Variants in STAG1 observed in about 807,000 individuals in gnomAD.
STAG1 encodes cohesin subunit SA-1.
A neutral mutation model predicts 170.9 loss-of-function variants in STAG1; 26 were observed. The observed-to-expected ratio is 0.15, with a 90% confidence interval of 0.11 to 0.21. The LOEUF (loss-of-function observed/expected upper bound fraction) is 0.21, where lower values mean the gene tolerates loss of function less well. STAG1 is among the 10% of genes least tolerant of loss of function. The probability of loss-of-function intolerance (pLI) is 1.00; values close to 1 mark genes in which losing one functional copy is unlikely to be tolerated. For synonymous variants in STAG1, 514 were observed against 497.7 expected (o/e 1.03, Z -0.44); for missense variants, 964 against 1,509.5 (o/e 0.64, Z 5.99).
chr3:136,435,827 C>T (rs112060574), intron 15 of STAG1, among the ~76,000 whole-genome samples: 176 of 151,636 alleles, frequency 1.2e-3, no homozygotes, highest in African/African-American at 2.5e-3. Flanking sequence ...CTGCCACCGC[C>T]CCTGGCTGAT....
intron 25 of STAG1, among the ~76,000 whole-genome samples, chr3:136,363,907 C>A (rs1431964617): frequency 2.0e-5 from 3 of 152,104 alleles, no homozygotes; most frequent in Non-Finnish European, 4.4e-5. Context: ...GCATGTGCCA[C>A]CACGCCTGGC....
chr3:136,394,621 T>C (rs1365695270), intron 22 of STAG1, among the ~76,000 whole-genome samples: 2 of 151,112 alleles, frequency 1.3e-5, no homozygotes, highest in East Asian at 2.0e-4. Context: ...ACAAAAAATA[T>C]AAAAAAGTAG....
At chr3:136,401,983 A>T (rs1328535886) in intron 21 of STAG1, among the ~76,000 whole-genome samples, 1 of 151,650 alleles carries the variant, frequency 6.6e-6, no homozygotes, top group Non-Finnish European at 1.5e-5. Context: ...ACCTCAGGTG[A>T]TCCACCCGCC....
chr3:136,525,510 T>C (rs9757761), intron 6 of STAG1, among the ~76,000 whole-genome samples: 55,317 of 151,882 alleles, frequency 0.36, 11,146 homozygotes, highest in African/African-American at 0.53. Context: ...GCCTTGCCAG[T>C]GGTCTATCAA....
intron 3 of STAG1, among the ~76,000 whole-genome samples, chr3:136,610,461 G>A (rs901289775): frequency 8.5e-5 from 13 of 152,062 alleles, no homozygotes; most frequent in African/African-American, 2.4e-4. Flanking sequence ...CAATAACTTT[G>A]TTAATGTGCT....
intron 1 of STAG1, among the ~76,000 whole-genome samples, chr3:136,702,085 G>C (rs988333427): frequency 2.4e-5 from 2 of 85,098 alleles, no homozygotes; most frequent in Non-Finnish European, 4.9e-5. Context: ...AAGAGAGAGA[G>C]AGAGAGAGAG....
intron 1 of STAG1, among the ~76,000 whole-genome samples, chr3:136,668,454 T>G (rs1576740886): frequency 2.0e-5 from 3 of 147,320 alleles, no homozygotes; most frequent in Admixed American, 6.8e-5. Context: ...TATATTTATA[T>G]ATCTATAAAA....
At chr3:136,373,416 C>G (rs1204063042) in intron 23 of STAG1, among the ~76,000 whole-genome samples, 1 of 152,050 alleles carries the variant, frequency 6.6e-6, no homozygotes, top group Non-Finnish European at 1.5e-5. Flanking sequence ...GCTCTTGTTT[C>G]TCTAGTTCTT....
intron 4 of STAG1, among the ~76,000 whole-genome samples, chr3:136,590,412 G>T (rs943413621): frequency 2.7e-4 from 40 of 150,820 alleles, no homozygotes; most frequent in African/African-American, 9.8e-4. Context: ...AGAATCGCAT[G>T]AACCCAGGAG....
At chr3:136,340,365 AC>A (rs1228203294) in intron 32 of STAG1, 125 bp downstream of exon 32, 1 of 607,926 alleles carries the variant, frequency 1.6e-6, no homozygotes, top group Admixed American at 2.6e-5. Flanking sequence ...CAGGTGATCC[AC>A]CCACCTCAGC....
chr3:136,612,806 C>A (rs1939370349), intron 3 of STAG1, among the ~76,000 whole-genome samples: 2 of 152,244 alleles, frequency 1.3e-5, no homozygotes, highest in Non-Finnish European at 2.9e-5. Flanking sequence ...TAATGGGCAT[C>A]TGGGTCACCA....
chr3:136,630,772 A>G, intron 2 of STAG1, 98 bp downstream of exon 2: 1 of 867,948 alleles, frequency 1.2e-6, no homozygotes, highest in South Asian at 1.5e-5. Flanking sequence ...CAAAGAACAT[A>G]TTTGAAATGT....
Position 136,675,487 on chromosome 3 carries a change from T to C in STAG1, c.-83-44506A>G, listed in dbSNP as rs143301524. On this transcript the variant is annotated intron_variant, in intron 1 of 33. Transcript: ENST00000383202. ...AAAGCAAGTGCAGTCTGGTTTTCTG[T>C]TATCTAATGCCAAATTCAACCCTAA... Among the ~76,000 whole-genome samples, 88 of 152,354 alleles carry C rather than the reference T, an allele frequency of 5.8e-4. No individual in the cohort carries two copies. In the East Asian group the frequency reaches 0.017, roughly 29 times the overall value.
chr3:136,356,443 T>C (rs1410551960), intron 28 of STAG1, among the ~76,000 whole-genome samples: 1 of 152,014 alleles, frequency 6.6e-6, no homozygotes, highest in East Asian at 1.9e-4. Context: ...TGCAGTGGCA[T>C]AATCATAGCT....
chr3:136,626,419 C>T (rs1182011546), intron 2 of STAG1, among the ~76,000 whole-genome samples: 4 of 142,054 alleles, frequency 2.8e-5, no homozygotes, highest in Admixed American at 7.2e-5. Flanking sequence ...AGTGAGACTA[C>T]ATCTCAAAAA....
chr3:136,421,796 A>C (rs187445081), intron 19 of STAG1, among the ~76,000 whole-genome samples: 1 of 152,214 alleles, frequency 6.6e-6, no homozygotes, highest in East Asian at 1.9e-4. Context: ...ATAATTCAGC[A>C]ATATTAAAAT....
intron 22 of STAG1, among the ~76,000 whole-genome samples, chr3:136,394,220 T>C (rs975184043): frequency 6.6e-6 from 1 of 152,238 alleles, no homozygotes; most frequent in Non-Finnish European, 1.5e-5. Context: ...CATGAATTTT[T>C]AAAGTTTGCA....
chr3:136,735,766 C>T (rs891681070), intron 1 of STAG1, among the ~76,000 whole-genome samples: 3 of 152,214 alleles, frequency 2.0e-5, no homozygotes, highest in African/African-American at 7.2e-5. Flanking sequence ...GGGTTCGCCA[C>T]CACGCCCAGC....
Position 136,542,338 on chromosome 3 carries a change from G to A in STAG1, c.395-143C>T, listed in dbSNP as rs989150265. On this transcript the variant is annotated intron_variant, in intron 5 of 33. Coordinates refer to ENST00000383202, the MANE Select transcript of STAG1 (RefSeq NM_005862.3). The stretch of plus-strand genomic sequence containing the variant: ...ATTTTATATTAAAACATAAAATGTT[G>A]TTTGATCAGGCCCTTCTGACAGGAC... 5 of 644,082 alleles carry A rather than the reference G, an allele frequency of 7.8e-6. 1 individual carries two copies. In the East Asian group the frequency reaches 1.4e-4, roughly 18 times the overall value. 39.9% of individuals were successfully genotyped at this position (644,082 alleles called of 1,614,324 possible). A position where few individuals can be genotyped will look rare whatever the true frequency, so the allele number is the denominator to read the frequency against.
Sources: allele counts gnomAD v4.1 joint callset (sites outside exome capture counted in the v4.1 genomes callset), GRCh38; gene constraint gnomAD v4.1.1; transcripts MANE v1.5; gene names NCBI Gene and HGNC (gene_info 2026-07-23, HGNC 2026-07-21).